Variants in LFNG observed in about 807,000 individuals in gnomAD.
LFNG encodes LFNG O-fucosylpeptide 3-beta-N-acetylglucosaminyltransferase.
A neutral mutation model predicts 32.7 loss-of-function variants in LFNG; 15 were observed. That is an observed-to-expected ratio of 0.46 (90% CI 0.31 to 0.71). The LOEUF is 0.71. Among genes scored for constraint, LFNG ranks in the 30% least tolerant of loss-of-function variants. LFNG has a pLI of 0.06. For synonymous variants in LFNG, 274 were observed against 246.8 expected (o/e 1.11, Z -1.03); for missense variants, 520 against 545.7 (o/e 0.95, Z 0.47).
At chr7:2,528,774 A>T, downstream of LFNG, 1 of 653,572 alleles carries the variant, frequency 1.5e-6, no homozygotes, top group Admixed American at 2.4e-5. Flanking sequence ...CAGCCCCTGC[A>T]GGAGGGACAG....
chr7:2,521,893 G>T (rs1453787008), intron 1 of LFNG, among the ~76,000 whole-genome samples: 1 of 152,224 alleles, frequency 6.6e-6, no homozygotes, highest in Non-Finnish European at 1.5e-5. Context: ...GGCACTCAGG[G>T]TCGAGGTGGG....
chr7:2,526,882 A>G lies in LFNG; in HGVS notation c.1034A>G (p.His345Arg). 6.2e-7 allele frequency: 1 copy of G among 1,610,200 alleles called. No individual in the cohort carries two copies. The highest frequency in any genetic ancestry group is 1.1e-5 in the South Asian group (1 of 91,004). Residue 345 changes from histidine to arginine, a missense_variant, in exon 7 of 8, where the codon CAC becomes CGC. Around this residue, in one of 3 missense-constraint regions of LFNG, gnomAD observed 150 missense variants for 159.9 expected, o/e 0.94. Transcript: ENST00000222725. This position sits in a 1 kb window ranked among gnomAD's most constrained non-coding sequence, Gnocchi z 6.9. The stretch of plus-strand genomic sequence containing the variant: ...TTTGAAAACAAGCGGAACGCCGTCC[A>G]CGTGAAGGGGCCCTTCTCGGTGGAG... ...GMFENKRNAV[H>R]VKGPFSVEAD...
chr7:2,524,564 C>T (rs372619425), intron 1 of LFNG, 131 bp from the exon 2 acceptor site: 44 of 855,716 alleles, frequency 5.1e-5, no homozygotes, highest in Middle Eastern at 4.8e-4. Context: ...AACCAAGGCC[C>T]GGAGAAGGGT....
At chr7:2,518,523 T>A (rs200654322), upstream of LFNG, 2 of 1,094,958 alleles carry the variant, frequency 1.8e-6, no homozygotes, top group Non-Finnish European at 2.8e-6. Context: ...TCAGAGCACC[T>A]ACTATGTCCC....
At chr7:2,518,188 A>G (rs914896755), upstream of LFNG, among the ~76,000 whole-genome samples, 1 of 152,066 alleles carries the variant, frequency 6.6e-6, no homozygotes, top group Non-Finnish European at 1.5e-5. Context: ...TCCCCGGCTC[A>G]CCCTCAAGCC....
Position 2,526,846 on chromosome 7 carries a change from GCTA to G in LFNG, c.1000_1002del (p.Tyr334del). 6.2e-7 allele frequency: 1 copy of G among 1,612,560 alleles called. No homozygotes were observed. Among genetic ancestry groups the G allele is most frequent in the African/African-American group, 1.3e-5 (1 of 74,980 alleles). ...GCCCGCTCCCCACAGGTGACGCTGA[GCTA>G]CGGTATGTTTGAAAACAAGCGGAAC... On this transcript the variant is annotated inframe_deletion, in exon 7 of 8. Transcript: ENST00000222725. This position sits in a 1 kb window ranked among gnomAD's most constrained non-coding sequence, Gnocchi z 6.9.
upstream of LFNG, among the ~76,000 whole-genome samples, chr7:2,514,458 C>G (rs12700022): frequency 0.36 from 55,131 of 152,096 alleles, 10,748 homozygotes; most frequent in Non-Finnish European, 0.44. Flanking sequence ...GCCTCTGTGT[C>G]TATGTGTCTG....
rs1311174176 is a variant in LFNG at position 2,520,645 on chromosome 7, G to T, written c.432+352G>T. 6.6e-6 allele frequency among the ~76,000 whole-genome samples: 1 copy of T among 152,234 alleles called. No individual in the cohort carries two copies. Among genetic ancestry groups the T allele is most frequent in the Non-Finnish European group, 1.5e-5 (1 of 68,032 alleles). ...GCATTATGTCCTCAAACTTCCACAA[G>T]CAAATTCTGTTCGGACCCACCCTCA... On this transcript the variant is annotated intron_variant, in intron 1 of 7. Transcript: ENST00000222725. The surrounding 1 kb of genome is among the most constrained non-coding windows in gnomAD (Gnocchi z 5.0).
At position 2,519,845 on chromosome 7, in the gene LFNG, G is replaced by A. The variant is rs1201039414; in HGVS notation, c.-17G>A. 5 of 1,079,280 alleles carry A rather than the reference G, an allele frequency of 4.6e-6. No homozygotes were observed. The highest frequency in any genetic ancestry group is 5.9e-5 in the East Asian group (1 of 16,838). The allele number at this position is 1,079,280 out of a possible 1,614,324, so 66.9% of individuals were successfully genotyped here. A position where few individuals can be genotyped will look rare whatever the true frequency, so the allele number is the denominator to read the frequency against. On this transcript the variant is annotated 5_prime_UTR_variant, in exon 1 of 8. Transcript: ENST00000222725. ...AGGCGCACGGGGAAGGGCGCGCCGCGCGGCCGCCACCCCACCATGCTCAAG... is the reference window on the plus strand; with the variant it reads ...AGGCGCACGGGGAAGGGCGCGCCGCACGGCCGCCACCCCACCATGCTCAAG...
At position 2,527,341 on chromosome 7, in the gene LFNG, T is replaced by TGCGTG; in HGVS notation, c.*130_*131insCGTGG. On this transcript the variant is annotated 3_prime_UTR_variant, in exon 8 of 8. Coordinates refer to ENST00000222725, the MANE Select transcript of LFNG (RefSeq NM_001040167.2). This position sits in a 1 kb window ranked among gnomAD's most constrained non-coding sequence, Gnocchi z 4.4. ...GTGCCTGTGCGTGTGCGTGTGCGTG[T>TGCGTG]GTGTGTGTGTGTACTGCATGCCCAC... 1 of 1,457,098 alleles carries TGCGTG rather than the reference T, an allele frequency of 6.9e-7. No homozygotes were observed. The highest frequency in any genetic ancestry group is 2.0e-5 in the Admixed American group (1 of 49,482). 90.3% of individuals were successfully genotyped at this position (1,457,098 alleles called of 1,614,324 possible).
rs1175450170 is a variant in LFNG, at chr7:2,528,272, A to G, written c.*1060A>G. On this transcript the variant is annotated 3_prime_UTR_variant, in exon 8 of 8. Transcript: ENST00000222725. ...CTGCCACCTCCCCGCTGGGCCCAGC[A>G]TGGCTCACCTGTCCCGTGGGCTGTG... 1.3e-5 allele frequency: 13 copies of G among 986,076 alleles called. No homozygotes were observed. The highest frequency in any genetic ancestry group is 1.6e-5 in the Non-Finnish European group (13 of 830,044). The allele number at this position is 986,076 out of a possible 1,614,324, so 61.1% of individuals were successfully genotyped here.
At chr7:2,516,561 A>T (rs1392754172), upstream of LFNG, among the ~76,000 whole-genome samples, 2 of 152,172 alleles carry the variant, frequency 1.3e-5, no homozygotes. Flanking sequence ...GGAGGCCTGG[A>T]CTCAGATGGG....
chr7:2,514,550 C>CGG (rs1779563179), upstream of LFNG, among the ~76,000 whole-genome samples: 1 of 140,610 alleles, frequency 7.1e-6, no homozygotes, highest in African/African-American at 2.5e-5. Context: ...ACCCATCCAT[C>CGG]TGTCCATCCA....
Position 2,527,228 on chromosome 7 carries a change from C to T in LFNG, c.*16C>T. The T allele has an allele frequency of 6.2e-7, 1 of 1,611,878 alleles. No individual in the cohort carries two copies. ...CATCTTCTAGTGGCCATGGCTGAGA[C>T]CCAATCCCTGGGCGCCCCTGGTATC... is the stretch of plus-strand genomic sequence containing the variant. On this transcript the variant is annotated 3_prime_UTR_variant, in exon 8 of 8. Transcript: ENST00000222725. This position sits in a 1 kb window ranked among gnomAD's most constrained non-coding sequence, Gnocchi z 4.4.
upstream of LFNG, among the ~76,000 whole-genome samples, chr7:2,517,365 C>T (rs559295559): frequency 6.6e-5 from 10 of 152,328 alleles, no homozygotes; most frequent in South Asian, 2.1e-3. Flanking sequence ...AGGTCCCCCA[C>T]TCCTCCCATT....
upstream of LFNG, among the ~76,000 whole-genome samples, chr7:2,517,523 T>C (rs1779657202): frequency 2.6e-5 from 4 of 152,124 alleles, no homozygotes; most frequent in South Asian, 8.3e-4. Context: ...TCCCACGACC[T>C]GCTGGGTCAA....
intron 2 of LFNG, among the ~76,000 whole-genome samples, chr7:2,524,946 C>T (rs928283565): frequency 6.6e-6 from 1 of 152,236 alleles, no homozygotes; most frequent in African/African-American, 2.4e-5. Flanking sequence ...TTCAGCCCCC[C>T]GGGTCCCTTT....
Position 2,519,814 on chromosome 7 carries a change from C to A in LFNG, c.-48C>A, listed in dbSNP as rs1779731333. On this transcript the variant is annotated 5_prime_UTR_variant, in exon 1 of 8. Transcript: ENST00000222725. Reference sequence around the variant, plus strand: ...CGGAGCGACGGGCTTCGGGTCGGTGCAAGGCAGGCGCACGGGGAAGGGCGC... The same window carrying A: ...CGGAGCGACGGGCTTCGGGTCGGTGAAAGGCAGGCGCACGGGGAAGGGCGC... 9.6e-7 allele frequency: 1 copy of A among 1,037,842 alleles called. No homozygotes were observed. Among genetic ancestry groups the A allele is most frequent in the Non-Finnish European group, 1.2e-6 (1 of 860,988 alleles). 64.3% of individuals were successfully genotyped at this position (1,037,842 alleles called of 1,614,324 possible). A position where few individuals can be genotyped will look rare whatever the true frequency, so the allele number is the denominator to read the frequency against.
intron 1 of LFNG, 55 bp from the exon 2 acceptor site, chr7:2,524,640 G>A: frequency 6.5e-7 from 1 of 1,532,308 alleles, no homozygotes; most frequent in South Asian, 1.2e-5. Context: ...CCCCACAGAT[G>A]GCCCTGGGGT....
Sources: allele counts gnomAD v4.1 joint callset (sites outside exome capture counted in the v4.1 genomes callset), GRCh38; gene constraint gnomAD v4.1.1; regional missense constraint gnomAD v4.1.1; non-coding constraint Gnocchi (gnomAD v3.1); transcripts MANE v1.5; gene names NCBI Gene and HGNC (gene_info 2026-07-23, HGNC 2026-07-21).